Variants in COL1A1 observed in about 807,000 individuals in gnomAD.
The protein encoded by COL1A1 is collagen alpha-1(I) chain.
A neutral mutation model predicts 195.7 loss-of-function variants in COL1A1; 21 were observed. The observed-to-expected ratio is 0.11, with a 90% CI of 0.08 to 0.15. The LOEUF (loss-of-function observed/expected upper bound fraction) is 0.15. COL1A1 is among the 10% of genes least tolerant of loss of function. The pLI, the probability that COL1A1 is intolerant of heterozygous loss-of-function variation, is 1.00. For synonymous variants in COL1A1, 749 were observed against 747.3 expected, an observed-to-expected ratio of 1.00 and a Z score of -0.04; for missense variants, 1,365 against 2,051.0, an observed-to-expected ratio of 0.67 and a Z score of 6.46.
chr17:50,195,433 C>T lies in COL1A1; in HGVS notation c.1200+1G>A, dbSNP rs72648320. On this transcript the variant is annotated splice_donor_variant, in intron 18 of 50. Coordinates refer to ENST00000225964, the MANE Select transcript of COL1A1 (RefSeq NM_000088.4). LOFTEE classifies it high-confidence loss of function. This position sits in a 1 kb window ranked among gnomAD's most constrained non-coding sequence, Gnocchi z 4.3. ...GGACTGAAGCCTGGCAGGATACTTA[C>T]ATTGGCACCTTTAGCACCAGGCTGT... 6.2e-7 allele frequency: 1 copy of T among 1,614,130 alleles called. No homozygotes were observed. Among genetic ancestry groups the T allele is most frequent in the Non-Finnish European group, 8.5e-7 (1 of 1,179,996 alleles).
In COL1A1 at chr17:50,192,758, C is replaced by T. The variant is rs535613016; in HGVS notation, c.1875+39G>A. 5.0e-6 allele frequency: 8 copies of T among 1,614,006 alleles called. No homozygotes were observed. In the East Asian group the frequency reaches 6.7e-5, roughly 13 times the overall value. ...AGACGAGGGGCTGAGGGTGTCTCCC[C>T]TTTTCTGCTCCCCAGATCTCCCCAT... On this transcript the variant is annotated intron_variant, in intron 27 of 50. Transcript: ENST00000225964.
intron 25 of COL1A1, chr17:50,193,370 C>A (rs777039534): frequency 1.3e-5 from 6 of 473,572 alleles, no homozygotes; most frequent in African/African-American, 1.9e-5. Flanking sequence ...ATATCAAAGG[C>A]CTGTCCTATC....
In COL1A1 at chr17:50,195,685, A is replaced by G. The variant is rs73338527; in HGVS notation, c.1057-20T>C. The G allele has an allele frequency of 2.6e-4, 413 of 1,611,930 alleles. 4 individuals are homozygous for G. In the African/African-American group the frequency reaches 4.5e-3, roughly 18 times the overall value. ...TTCACCCTGAATCAGAAGAAAGGAC[A>G]TATCAGAAGCCACCCTGGGAAACCC... On this transcript the variant is annotated intron_variant, in intron 16 of 50. Transcript: ENST00000225964. The surrounding 1 kb of genome is among the most constrained non-coding windows in gnomAD (Gnocchi z 4.3).
At chr17:50,192,200 G>A (rs1003749226) in intron 29 of COL1A1, 176 bp from the exon 30 acceptor site, 1 of 765,124 alleles carries the variant, frequency 1.3e-6, no homozygotes, top group African/African-American at 1.7e-5. Context: ...TGTGTCAAAG[G>A]CTTCCCCCCT....
intron 5 of COL1A1, 131 bp downstream of exon 5, chr17:50,199,095 T>G: frequency 2.2e-5 from 24 of 1,071,158 alleles, no homozygotes; most frequent in South Asian, 4.1e-5. Flanking sequence ...GAAGGGTATG[T>G]GAGAGTTTCC....
At position 50,196,653 on chromosome 17, in the gene COL1A1, A is replaced by G. The variant is rs1338319779; in HGVS notation, c.822T>C (p.Asp274=). The G allele has an allele frequency of 6.2e-7, 1 of 1,614,078 alleles. No homozygotes were observed. Among genetic ancestry groups the G allele is most frequent in the Non-Finnish European group, 8.5e-7 (1 of 1,180,040 alleles). ...CAGGACCAGCATCTCCCTTGGCACC[A>G]TCCAAACCACTGAAACCCTAAAGCA... ...MKGHRGFSGL[D]GAKGDAGPAG... is the part of the protein sequence containing the mutation. Residue 274 remains aspartate, a synonymous_variant, in exon 12 of 51, where the codon GAT becomes GAC. Transcript: ENST00000225964.
intron 11 of COL1A1, 149 bp from the exon 12 acceptor site, chr17:50,196,819 T>G: frequency 8.7e-7 from 1 of 1,153,190 alleles, no homozygotes; most frequent in Non-Finnish European, 1.3e-6. Flanking sequence ...GCTCTAGATC[T>G]CACCCAATCG....
rs779096006 is a variant in COL1A1, at chr17:50,196,299, G to T, written c.957+15C>A. 1.9e-6 allele frequency: 3 copies of T among 1,607,522 alleles called. No individual in the cohort carries two copies. The highest frequency in any genetic ancestry group is 2.7e-5 in the African/African-American group (2 of 74,718). On this transcript the variant is annotated intron_variant, in intron 14 of 50. Transcript: ENST00000225964. Reference sequence around the variant, plus strand: ...CCAGAGCTCAGGGATCCCCCAAGGGGCCAGGAGTACTTACAGCAGGGCCAG... The same window carrying T: ...CCAGAGCTCAGGGATCCCCCAAGGGTCCAGGAGTACTTACAGCAGGGCCAG...
rs1187331082 is a variant in COL1A1, at chr17:50,195,107, G to A, written c.1300-7C>T. ...CAGGAGCACCAGGTTCACCCTGCAA[G>A]GGGGGAGAAGAGGATGAGCTGAGAG... is the stretch of plus-strand genomic sequence containing the variant. On this transcript the variant is annotated splice_region_variant and splice_polypyrimidine_tract_variant and intron_variant, in intron 19 of 50. Transcript: ENST00000225964. The surrounding 1 kb of genome is among the most constrained non-coding windows in gnomAD (Gnocchi z 4.3). The A allele has an allele frequency of 6.2e-7, 1 of 1,613,468 alleles. No individual in the cohort carries two copies. Among genetic ancestry groups the A allele is most frequent in the South Asian group, 1.1e-5 (1 of 91,056 alleles).
At position 50,190,149 on chromosome 17, in the gene COL1A1, A is replaced by G. The variant is rs373450731; in HGVS notation, c.2452-41T>C. On this transcript the variant is annotated intron_variant, in intron 35 of 50. Coordinates refer to ENST00000225964, the MANE Select transcript of COL1A1 (RefSeq NM_000088.4). This position sits in a 1 kb window ranked among gnomAD's most constrained non-coding sequence, Gnocchi z 4.7. The stretch of plus-strand genomic sequence containing the variant: ...GGGCGGTGAATGGAGGGAAGGAGGC[A>G]GGAGTTTCCACTACCTGGGGGAGGA... 2.5e-5 allele frequency: 38 copies of G among 1,549,016 alleles called. No homozygotes were observed. In the African/African-American group the frequency reaches 5.0e-4, roughly 20 times the overall value.
chr17:50,195,818 C>A lies in COL1A1; in HGVS notation c.1056+105G>T. On this transcript the variant is annotated intron_variant, in intron 16 of 50. Coordinates refer to ENST00000225964, the MANE Select transcript of COL1A1 (RefSeq NM_000088.4). This position sits in a 1 kb window ranked among gnomAD's most constrained non-coding sequence, Gnocchi z 4.3. Reference sequence around the variant, plus strand: ...AACCCAGGACAAAGGTGTTAGTGAACGGGCTGCTCTCTTGCCACTCTGGGT... The same window carrying A: ...AACCCAGGACAAAGGTGTTAGTGAAAGGGCTGCTCTCTTGCCACTCTGGGT... 7.1e-7 allele frequency: 1 copy of A among 1,408,874 alleles called. No homozygotes were observed. 87.3% of individuals were successfully genotyped at this position (1,408,874 alleles called of 1,614,324 possible).
chr17:50,191,349 G>T, intron 32 of COL1A1, 34 bp downstream of exon 32: 2 of 1,559,724 alleles, frequency 1.3e-6, no homozygotes, highest in South Asian at 2.2e-5. Flanking sequence ...TGGGAGCCAT[G>T]TAGGGCTCAG....
In COL1A1 at chr17:50,189,104, C is replaced by G; in HGVS notation, c.2937+64G>C. The G allele has an allele frequency of 6.3e-7, 1 of 1,590,614 alleles. No individual in the cohort carries two copies. Among genetic ancestry groups the G allele is most frequent in the Non-Finnish European group, 8.6e-7 (1 of 1,159,460 alleles). On this transcript the variant is annotated intron_variant, in intron 40 of 50. Coordinates refer to ENST00000225964, the MANE Select transcript of COL1A1 (RefSeq NM_000088.4). This position sits in a 1 kb window ranked among gnomAD's most constrained non-coding sequence, Gnocchi z 5.5. ...TCTACCAAATCTGTTCTCCTTGGCT[C>G]CGCCCCACTCCAAGTCCTGTGATGG...
In COL1A1 at chr17:50,190,235, C is replaced by T; in HGVS notation, c.2451+92G>A. 7.9e-7 allele frequency: 1 copy of T among 1,267,054 alleles called. No homozygotes were observed. Among genetic ancestry groups the T allele is most frequent in the Admixed American group, 1.7e-5 (1 of 59,380 alleles). 78.5% of individuals were successfully genotyped at this position (1,267,054 alleles called of 1,614,324 possible). A position where few individuals can be genotyped will look rare whatever the true frequency, so the allele number is the denominator to read the frequency against. ...ACAATCCCGTCTCCACCCTTCTCCC[C>T]TGAGGATGGCTGACGCCTTTGTCCT... On this transcript the variant is annotated intron_variant, in intron 35 of 50. Transcript: ENST00000225964. The surrounding 1 kb of genome is among the most constrained non-coding windows in gnomAD (Gnocchi z 4.7).
rs575771956 is a variant in COL1A1, at chr17:50,200,916, G to T, written c.103+495C>A. On this transcript the variant is annotated intron_variant, in intron 1 of 50. Coordinates refer to ENST00000225964, the MANE Select transcript of COL1A1 (RefSeq NM_000088.4). ...GCAAGGACCCCGCCCCGCCGAGTCC[G>T]CGCCAAAGTTTCTCATCCTCCACCC... 1.4e-3 allele frequency among the ~76,000 whole-genome samples: 208 copies of T among 152,294 alleles called. 1 individual carries two copies. The highest frequency in any genetic ancestry group is 4.6e-3 in the African/African-American group (192 of 41,574).
chr17:50,188,482 G>C lies in COL1A1; in HGVS notation c.3207+48C>G. 6.4e-7 allele frequency: 1 copy of C among 1,565,650 alleles called. No individual in the cohort carries two copies. Among genetic ancestry groups the C allele is most frequent in the Non-Finnish European group, 8.8e-7 (1 of 1,136,436 alleles). ...CCCCAGGCCTCTAAGGAGGCCTGAA[G>C]AGTCCCTGGCCTGACCAGGTACAGG... On this transcript the variant is annotated intron_variant, in intron 43 of 50. Coordinates refer to ENST00000225964, the MANE Select transcript of COL1A1 (RefSeq NM_000088.4). This position sits in a 1 kb window ranked among gnomAD's most constrained non-coding sequence, Gnocchi z 5.6.
Position 50,189,552 on chromosome 17 carries a change from G to A in COL1A1, c.2668-14C>T, listed in dbSNP as rs1248165608. Reference sequence around the variant, plus strand: ...TCCAGCATTTCCCTGGATGAGGATAGGAGGGGCTGTCAGACTCCAGGGGGC... The same window carrying A: ...TCCAGCATTTCCCTGGATGAGGATAAGAGGGGCTGTCAGACTCCAGGGGGC... On this transcript the variant is annotated splice_polypyrimidine_tract_variant and intron_variant, in intron 38 of 50. Transcript: ENST00000225964. The surrounding 1 kb of genome is among the most constrained non-coding windows in gnomAD (Gnocchi z 5.5). 3 of 1,613,652 alleles carry A rather than the reference G, an allele frequency of 1.9e-6. No homozygotes were observed. The highest frequency in any genetic ancestry group is 2.5e-6 in the Non-Finnish European group (3 of 1,179,888).
rs1184185443 is a variant in COL1A1 at position 50,188,223 on chromosome 17, C to G, written c.3208-74G>C. On this transcript the variant is annotated intron_variant, in intron 43 of 50. Transcript: ENST00000225964. This position sits in a 1 kb window ranked among gnomAD's most constrained non-coding sequence, Gnocchi z 5.6. ...CTGGGGCTGCAGGATGAGGCCTCCC[C>G]TCTGCTGGATCTCTCTCTCCTCAGC... is the stretch of plus-strand genomic sequence containing the variant. 7.4e-7 allele frequency: 1 copy of G among 1,353,502 alleles called. No homozygotes were observed. The highest frequency in any genetic ancestry group is 2.5e-5 in the East Asian group (1 of 39,746). The allele number at this position is 1,353,502 out of a possible 1,614,324, so 83.8% of individuals were successfully genotyped here. A position where few individuals can be genotyped will look rare whatever the true frequency, so the allele number is the denominator to read the frequency against.
At chr17:50,200,352 G>A (rs1907977238) in intron 1 of COL1A1, among the ~76,000 whole-genome samples, 1 of 152,144 alleles carries the variant, frequency 6.6e-6, no homozygotes, top group African/African-American at 2.4e-5. Flanking sequence ...GGAGGGCGAG[G>A]GAGGAGAGAA....
Sources: allele counts gnomAD v4.1 joint callset (sites outside exome capture counted in the v4.1 genomes callset), GRCh38; gene constraint gnomAD v4.1.1; non-coding constraint Gnocchi (gnomAD v3.1); transcripts MANE v1.5; gene names NCBI Gene and HGNC (gene_info 2026-07-23, HGNC 2026-07-21).